The following GRM5 variants were observed in gnomAD, a reference collection of about 807,000 sequenced individuals.
The protein encoded by GRM5 is metabotropic glutamate receptor 5.
GRM5 carries 19 observed loss-of-function variants against 83.1 expected under a neutral mutation model. The observed-to-expected ratio is 0.23, with a 90% CI of 0.16 to 0.34. GRM5 has a LOEUF of 0.34. Ranked by LOEUF, GRM5 falls within the 10% of genes least tolerant of loss-of-function variation. The pLI, the probability that GRM5 is intolerant of heterozygous loss-of-function variation, is 1.00. For synonymous variants in GRM5, 675 were observed against 633.6 expected (o/e 1.07, Z -0.98); for missense variants, 1,160 against 1,588.3 (o/e 0.73, Z 4.58).
At chr11:88,876,320 G>T (rs958138115) in intron 2 of GRM5, among the ~76,000 whole-genome samples, 5 of 152,006 alleles carry the variant, frequency 3.3e-5, no homozygotes, top group African/African-American at 1.2e-4. Context: ...ACCATTCTCA[G>T]CCTTGAGCCA....
At chr11:88,811,110 T>C (rs905109170) in intron 3 of GRM5, among the ~76,000 whole-genome samples, 2 of 152,118 alleles carry the variant, frequency 1.3e-5, no homozygotes, top group African/African-American at 2.4e-5. Context: ...TTGTTTTTTT[T>C]CCATTCTCAA....
chr11:88,524,392 G>A (rs1591322619), intron 9 of GRM5, among the ~76,000 whole-genome samples: 4 of 151,614 alleles, frequency 2.6e-5, no homozygotes, highest in Admixed American at 1.3e-4. Context: ...TAATTTTTGT[G>A]TTTTTAGTAG....
intron 3 of GRM5, among the ~76,000 whole-genome samples, chr11:88,745,159 A>C (rs891478962): frequency 1.3e-5 from 2 of 150,686 alleles, no homozygotes; most frequent in African/African-American, 4.9e-5. Flanking sequence ...CTTTTTCTCT[A>C]CTACTCACTT....
intron 4 of GRM5, among the ~76,000 whole-genome samples, chr11:88,621,685 G>T (rs1938638956): frequency 6.6e-6 from 1 of 152,116 alleles, no homozygotes; most frequent in African/African-American, 2.4e-5. Context: ...CAGTGTTCTA[G>T]AGTTTATGCT....
chr11:88,866,201 T>C (rs654835), intron 2 of GRM5, among the ~76,000 whole-genome samples: 149,999 of 152,192 alleles, frequency 0.99, 73,954 homozygotes, highest in East Asian at 1. Flanking sequence ...GGCACTTATA[T>C]ACCATGGAAT....
intron 4 of GRM5, among the ~76,000 whole-genome samples, chr11:88,649,109 A>C (rs1288161914): frequency 7.0e-6 from 1 of 143,818 alleles, no homozygotes; most frequent in African/African-American, 2.5e-5. Flanking sequence ...ATATATATTA[A>C]ATATATATGT....
intron 1 of GRM5, among the ~76,000 whole-genome samples, chr11:89,054,020 CTT>C (rs1432320383): frequency 6.6e-6 from 1 of 152,170 alleles, no homozygotes; most frequent in African/African-American, 2.4e-5. Context: ...CTTTAAAAGA[CTT>C]TGGCCTTAAC....
At chr11:88,540,248 C>T (rs762969064) in intron 8 of GRM5, among the ~76,000 whole-genome samples, 30 of 152,152 alleles carry the variant, frequency 2.0e-4, no homozygotes, top group Admixed American at 5.2e-4. Context: ...CCTTTTAACC[C>T]CTCCTGTCCT....
At chr11:88,562,839 G>A (rs953648890) in intron 8 of GRM5, among the ~76,000 whole-genome samples, 3 of 152,132 alleles carry the variant, frequency 2.0e-5, no homozygotes, top group East Asian at 1.9e-4. Context: ...ATATTAGACA[G>A]TTTGGGCCAG....
chr11:88,588,862 G>A (rs543288180), intron 7 of GRM5, among the ~76,000 whole-genome samples: 15 of 152,102 alleles, frequency 9.9e-5, no homozygotes, highest in Non-Finnish European at 2.1e-4. Context: ...GATGTATGAG[G>A]ACCAGGATAT....
chr11:89,054,085 T>C (rs544371256), intron 1 of GRM5, among the ~76,000 whole-genome samples: 1 of 152,286 alleles, frequency 6.6e-6, no homozygotes, highest in East Asian at 1.9e-4. Context: ...GAACACATTC[T>C]ACCTAAAATT....
At chr11:88,928,443 CAT>C (rs1945827042) in intron 2 of GRM5, among the ~76,000 whole-genome samples, 3 of 107,874 alleles carry the variant, frequency 2.8e-5, no homozygotes, top group African/African-American at 1.1e-4. Flanking sequence ...GACAATCTAT[CAT>C]ATGTGTGTGT....
intron 3 of GRM5, among the ~76,000 whole-genome samples, chr11:88,748,580 C>G (rs1162680954): frequency 6.6e-6 from 1 of 152,146 alleles, no homozygotes; most frequent in African/African-American, 2.4e-5. Context: ...TGTACCTGCT[C>G]TACCAGAAAG....
chr11:88,954,713 G>C (rs1427440344), intron 2 of GRM5, among the ~76,000 whole-genome samples: 1 of 152,138 alleles, frequency 6.6e-6, no homozygotes. Context: ...CACTGTAGTA[G>C]ACAGCACAGC....
chr11:88,787,481 T>C (rs918292537), intron 3 of GRM5, among the ~76,000 whole-genome samples: 11 of 152,064 alleles, frequency 7.2e-5, no homozygotes, highest in Non-Finnish European at 1.5e-4. Flanking sequence ...TTGGAAAGTA[T>C]CAAATGATTT....
At chr11:88,886,671 A>C (rs1945048736) in intron 2 of GRM5, among the ~76,000 whole-genome samples, 1 of 152,106 alleles carries the variant, frequency 6.6e-6, no homozygotes, top group Admixed American at 6.6e-5. Flanking sequence ...ATCCAAAGGT[A>C]TTTGGACGGA....
At chr11:88,729,850 C>A (rs1367420106) in intron 3 of GRM5, among the ~76,000 whole-genome samples, 2 of 152,100 alleles carry the variant, frequency 1.3e-5, no homozygotes, top group Non-Finnish European at 2.9e-5. Context: ...AAACTGGACC[C>A]CTTCCTTACA....
chr11:89,037,529 A>C (rs1375711977), intron 2 of GRM5, among the ~76,000 whole-genome samples: 1 of 152,158 alleles, frequency 6.6e-6, no homozygotes, highest in Non-Finnish European at 1.5e-5. Context: ...AATAATTCTC[A>C]TTTAAGTAGT....
At chr11:88,826,062 T>G (rs970932680) in intron 3 of GRM5, among the ~76,000 whole-genome samples, 1 of 152,154 alleles carries the variant, frequency 6.6e-6, no homozygotes, top group African/African-American at 2.4e-5. Context: ...TTAAGAGGTG[T>G]TTTCTTCTAG....
Sources: gnomAD v4.1 joint callset for allele counts (sites outside exome capture counted in the v4.1 genomes callset) on GRCh38, gnomAD v4.1.1 for gene constraint, MANE v1.5 for transcripts, NCBI Gene and HGNC (gene_info 2026-07-23, HGNC 2026-07-21) for gene names.